Variants in CA10 observed in about 807,000 individuals in gnomAD.
The protein encoded by CA10 is carbonic anhydrase-related protein 10.
In CA10, 14 loss-of-function variants were observed where a neutral mutation model predicts 44.2. The observed-to-expected ratio is 0.32, with a 90% CI of 0.21 to 0.50. CA10 has a LOEUF of 0.50. Ranked by LOEUF, CA10 falls within the 20% of genes least tolerant of loss-of-function variation. The probability of loss-of-function intolerance (pLI) is 0.99; values close to 1 mark genes in which losing one functional copy is unlikely to be tolerated. For missense variants in CA10, 350 were observed against 409.7 expected, an observed-to-expected ratio of 0.85 and a Z score of 1.26; for synonymous variants, 159 against 141.6, an observed-to-expected ratio of 1.12 and a Z score of -0.87.
chr17:51,758,146 G>A (rs940324923), intron 3 of CA10, among the ~76,000 whole-genome samples: 1 of 152,062 alleles, frequency 6.6e-6, no homozygotes. Context: ...ATCCATCTGA[G>A]TCAGCCTGTG....
intron 2 of CA10, among the ~76,000 whole-genome samples, chr17:51,970,402 T>TTA (rs1257931571): frequency 6.6e-6 from 1 of 152,052 alleles, no homozygotes; most frequent in African/African-American, 2.4e-5. Flanking sequence ...TTTGTTCCTC[T>TTA]TACACATGAG....
At chr17:52,125,482 T>C (rs1345318151) in intron 1 of CA10, among the ~76,000 whole-genome samples, 1 of 152,148 alleles carries the variant, frequency 6.6e-6, no homozygotes, top group Non-Finnish European at 1.5e-5. Flanking sequence ...AGCCAGAGAA[T>C]TAGCTTAAAA....
chr17:51,853,669 C>A (rs573020720), intron 3 of CA10, among the ~76,000 whole-genome samples: 14 of 152,274 alleles, frequency 9.2e-5, no homozygotes, highest in African/African-American at 3.4e-4. Flanking sequence ...GTGTCCCCAC[C>A]CAAATCTCAT....
At chr17:52,059,510 CCA>C (rs201546872) in intron 2 of CA10, among the ~76,000 whole-genome samples, 1 of 151,620 alleles carries the variant, frequency 6.6e-6, no homozygotes, top group Non-Finnish European at 1.5e-5. Context: ...GTGTGCTCAC[CCA>C]CACACACACT....
intron 2 of CA10, among the ~76,000 whole-genome samples, chr17:52,019,558 AT>A (rs1488525871): frequency 6.6e-6 from 1 of 152,008 alleles, no homozygotes; most frequent in African/African-American, 2.4e-5. Flanking sequence ...ACACTTTATA[AT>A]TTTTTTTACT....
At chr17:51,803,547 CT>C (rs796693347) in intron 3 of CA10, among the ~76,000 whole-genome samples, 3 of 152,054 alleles carry the variant, frequency 2.0e-5, no homozygotes, top group African/African-American at 7.2e-5. Flanking sequence ...TTATTTCTAC[CT>C]TTTTTGGGTG....
intron 3 of CA10, among the ~76,000 whole-genome samples, chr17:51,842,510 G>C (rs1952546457): frequency 6.6e-6 from 1 of 152,136 alleles, no homozygotes; most frequent in Non-Finnish European, 1.5e-5. Flanking sequence ...TTCACTATCA[G>C]AATGTGTGCA....
chr17:51,696,645 T>C lies in CA10; in HGVS notation c.466-42909A>G, dbSNP rs182835409. On this transcript the variant is annotated intron_variant, in intron 4 of 8. Coordinates refer to ENST00000451037, the MANE Select transcript of CA10 (RefSeq NM_020178.5). ...GCTAGCTTTGAGGTTAGTTCGTTCT[T>C]GTTTTTCTAGTTCCTCTAGGTGTGA... Among the ~76,000 whole-genome samples the C allele has an allele frequency of 1.5e-4, 23 of 152,328 alleles. No homozygotes were observed. The East Asian group carries it at 3.1e-3, about 20-fold the overall frequency.
At chr17:52,116,322 G>A (rs530004966) in intron 1 of CA10, among the ~76,000 whole-genome samples, 1 of 152,258 alleles carries the variant, frequency 6.6e-6, no homozygotes, top group African/African-American at 2.4e-5. Flanking sequence ...TGTTGGAGGG[G>A]AACTTGGTTC....
chr17:51,836,834 A>T (rs1908495193), intron 3 of CA10, among the ~76,000 whole-genome samples: 1 of 152,122 alleles, frequency 6.6e-6, no homozygotes, highest in South Asian at 2.1e-4. Flanking sequence ...GGTACAGTAA[A>T]TACTCCCCAA....
At chr17:51,717,657 GTATA>G (rs1916170407) in intron 4 of CA10, among the ~76,000 whole-genome samples, 1 of 33,232 alleles carries the variant, frequency 3.0e-5, no homozygotes, top group African/African-American at 9.0e-5. Context: ...ACATATATAC[GTATA>G]TATACATGTA....
chr17:51,682,390 A>T (rs1011473492), intron 4 of CA10, among the ~76,000 whole-genome samples: 1 of 152,126 alleles, frequency 6.6e-6, no homozygotes, highest in Non-Finnish European at 1.5e-5. Context: ...ATCTCAGGGG[A>T]TGTGGTTTGG....
chr17:51,973,630 T>A (rs1249881293), intron 2 of CA10, among the ~76,000 whole-genome samples: 1 of 152,104 alleles, frequency 6.6e-6, no homozygotes, highest in East Asian at 1.9e-4. Flanking sequence ...TTCATAAAAA[T>A]TGCAAATAAA....
chr17:51,716,746 T>C (rs1181938542), intron 4 of CA10, among the ~76,000 whole-genome samples: 1 of 152,240 alleles, frequency 6.6e-6, no homozygotes, highest in Admixed American at 6.5e-5. Flanking sequence ...CCTCAATAAA[T>C]GTTGAATTAG....
At chr17:51,933,380 A>T (rs2143999775) in intron 2 of CA10, among the ~76,000 whole-genome samples, 1 of 152,168 alleles carries the variant, frequency 6.6e-6, no homozygotes, top group African/African-American at 2.4e-5. Context: ...AGGAGAGAAG[A>T]TAATACTCTG....
intron 2 of CA10, among the ~76,000 whole-genome samples, chr17:52,059,021 C>T (rs951518862): frequency 8.6e-5 from 13 of 151,732 alleles, no homozygotes; most frequent in Non-Finnish European, 1.8e-4. Context: ...AAAGAAATAA[C>T]AAAGTATTTC....
chr17:51,765,032 C>A (rs1905322630), intron 3 of CA10, among the ~76,000 whole-genome samples: 1 of 152,126 alleles, frequency 6.6e-6, no homozygotes, highest in African/African-American at 2.4e-5. Flanking sequence ...AGACTTAGAT[C>A]ATCTTTTTAT....
intron 3 of CA10, among the ~76,000 whole-genome samples, chr17:51,798,832 T>C (rs545150880): frequency 1.3e-5 from 2 of 152,332 alleles, no homozygotes; most frequent in South Asian, 2.1e-4. Flanking sequence ...ATTAAAGTTA[T>C]GCTAGTACAC....
intron 1 of CA10, among the ~76,000 whole-genome samples, chr17:52,118,621 T>A (rs1988948392): frequency 6.6e-6 from 1 of 152,146 alleles, no homozygotes; most frequent in African/African-American, 2.4e-5. Context: ...GCCAAAATGA[T>A]GTTTAATCTT....
Sources: allele counts gnomAD v4.1 joint callset (sites outside exome capture counted in the v4.1 genomes callset), GRCh38; gene constraint gnomAD v4.1.1; transcripts MANE v1.5; gene names NCBI Gene and HGNC (gene_info 2026-07-23, HGNC 2026-07-21).